Variants in NEGR1 observed in about 807,000 individuals in gnomAD.
NEGR1 encodes neuronal growth regulator 1, also known as IgLON family member 4.
Under a neutral mutation model 40.9 loss-of-function variants are expected in NEGR1, and 10 were observed. That is an observed-to-expected ratio of 0.24 (90% CI 0.15 to 0.42). NEGR1 has a LOEUF of 0.42. Among genes scored for constraint, NEGR1 ranks in the 10% least tolerant of loss-of-function variants. The pLI is 1.00. For synonymous variants in NEGR1, 185 were observed against 166.8 expected, an observed-to-expected ratio of 1.11 and a Z score of -0.84; for missense variants, 352 against 438.9, an observed-to-expected ratio of 0.80 and a Z score of 1.77.
chr1:71,537,285 C>T (rs1647541755), intron 6 of NEGR1, among the ~76,000 whole-genome samples: 1 of 151,656 alleles, frequency 6.6e-6, no homozygotes, highest in Non-Finnish European at 1.5e-5. Context: ...GAGAGAAATA[C>T]TATGCTAGGA....
At position 71,757,865 on chromosome 1, in the gene NEGR1, C is replaced by T. The variant is rs149158153; in HGVS notation, c.535+18307G>A. On this transcript the variant is annotated intron_variant, in intron 3 of 6. Coordinates refer to ENST00000357731, the MANE Select transcript of NEGR1 (RefSeq NM_173808.3). ...TCACATAAGAACACAGTATTCATCA[C>T]GATCTTTTATTATCTGTCCTCAAAC... 3.6e-3 allele frequency among the ~76,000 whole-genome samples: 541 copies of T among 152,142 alleles called. 3 individuals carry two copies. The highest frequency in any genetic ancestry group is 0.012 in the African/African-American group (495 of 41,526).
intron 6 of NEGR1, among the ~76,000 whole-genome samples, chr1:71,585,529 C>T (rs981904692): frequency 1.3e-5 from 2 of 151,992 alleles, no homozygotes; most frequent in Non-Finnish European, 2.9e-5. Flanking sequence ...ATGACAACAC[C>T]AAATACCAAA....
chr1:72,203,569 G>C (rs1653289639), intron 1 of NEGR1, among the ~76,000 whole-genome samples: 1 of 152,192 alleles, frequency 6.6e-6, no homozygotes, highest in Non-Finnish European at 1.5e-5. Flanking sequence ...TACAATAAAG[G>C]TTTTAGAATA....
intron 1 of NEGR1, among the ~76,000 whole-genome samples, chr1:72,037,564 A>C (rs960422511): frequency 3.9e-5 from 6 of 152,140 alleles, no homozygotes; most frequent in African/African-American, 1.4e-4. Flanking sequence ...TTTCCAAGTT[A>C]AACTATAACT....
chr1:72,083,840 C>T (rs571748843), intron 1 of NEGR1, among the ~76,000 whole-genome samples: 13 of 152,200 alleles, frequency 8.5e-5, no homozygotes, highest in Admixed American at 7.2e-4. Flanking sequence ...CCACTATCAA[C>T]GTTCTGCCCC....
At chr1:71,983,333 T>C (rs1190802102) in intron 1 of NEGR1, among the ~76,000 whole-genome samples, 1 of 152,154 alleles carries the variant, frequency 6.6e-6, no homozygotes, top group African/African-American at 2.4e-5. Flanking sequence ...TACACAGGGT[T>C]ATCTGGAAAA....
intron 1 of NEGR1, among the ~76,000 whole-genome samples, chr1:72,281,169 A>G (rs1656229009): frequency 6.6e-6 from 1 of 152,192 alleles, no homozygotes; most frequent in Admixed American, 6.5e-5. Context: ...AAAAATAAGT[A>G]AAAGTGAAGA....
At chr1:72,211,422 T>C (rs1044040247) in intron 1 of NEGR1, among the ~76,000 whole-genome samples, 42 of 151,558 alleles carry the variant, frequency 2.8e-4, no homozygotes, top group African/African-American at 9.7e-4. Flanking sequence ...ATAAAATATG[T>C]AACTGTAGAA....
At chr1:71,655,247 A>T (rs563111776) in intron 4 of NEGR1, among the ~76,000 whole-genome samples, 2 of 152,324 alleles carry the variant, frequency 1.3e-5, no homozygotes, top group African/African-American at 4.8e-5. Flanking sequence ...AAGCTTACAA[A>T]AATGTTAAAG....
chr1:72,012,834 T>TATAC (rs1166289684), intron 1 of NEGR1, among the ~76,000 whole-genome samples: 1 of 135,008 alleles, frequency 7.4e-6, no homozygotes, highest in Non-Finnish European at 1.6e-5. Context: ...CACACACATA[T>TATAC]ATACATACAT....
At chr1:71,703,866 A>T (rs1249538617) in intron 3 of NEGR1, among the ~76,000 whole-genome samples, 1 of 151,918 alleles carries the variant, frequency 6.6e-6, no homozygotes, top group Non-Finnish European at 1.5e-5. Flanking sequence ...CATAAAGGGG[A>T]CAGAAAAAAT....
intron 1 of NEGR1, among the ~76,000 whole-genome samples, chr1:72,262,169 G>A (rs1022433098): frequency 2.0e-5 from 3 of 151,914 alleles, no homozygotes; most frequent in South Asian, 2.1e-4. Context: ...CCTTTTACTC[G>A]GAAACGTGAG....
intron 4 of NEGR1, among the ~76,000 whole-genome samples, chr1:71,637,959 A>T (rs1429821493): frequency 6.6e-6 from 1 of 152,022 alleles, no homozygotes; most frequent in African/African-American, 2.4e-5. Context: ...GCATTATTTT[A>T]TTTAAAACCC....
intron 3 of NEGR1, among the ~76,000 whole-genome samples, chr1:71,750,667 T>C (rs1655541801): frequency 6.6e-6 from 1 of 152,138 alleles, no homozygotes; most frequent in South Asian, 2.1e-4. Context: ...ATGATTCAAT[T>C]ACCTCCCACT....
At chr1:71,919,746 A>G (rs908566672) in intron 2 of NEGR1, among the ~76,000 whole-genome samples, 5 of 152,184 alleles carry the variant, frequency 3.3e-5, no homozygotes, top group African/African-American at 4.8e-5. Context: ...AAGAAAGCCT[A>G]GGTTCGAGTT....
intron 4 of NEGR1, among the ~76,000 whole-genome samples, chr1:71,624,021 C>T (rs1249480761): frequency 6.6e-6 from 1 of 151,904 alleles, no homozygotes; most frequent in Non-Finnish European, 1.5e-5. Context: ...AATACATACA[C>T]ATTTTGCTCA....
At chr1:71,882,141 A>C (rs1436696407) in intron 2 of NEGR1, among the ~76,000 whole-genome samples, 4 of 152,142 alleles carry the variant, frequency 2.6e-5, no homozygotes, top group Non-Finnish European at 5.9e-5. Flanking sequence ...CATGGCACCA[A>C]AATGGACTGT....
intron 5 of NEGR1, among the ~76,000 whole-genome samples, chr1:71,598,545 A>G (rs1414040463): frequency 6.6e-6 from 1 of 152,198 alleles, no homozygotes; most frequent in African/African-American, 2.4e-5. Context: ...GATGAGAAAC[A>G]TAGAGTAGGT....
rs1370062706 is a variant in NEGR1 at position 71,591,908 on chromosome 1, C to T, written c.940+909G>A. On this transcript the variant is annotated intron_variant, in intron 6 of 6. Coordinates refer to ENST00000357731, the MANE Select transcript of NEGR1 (RefSeq NM_173808.3). ...GAAATGATATTTATGATGAACTATACAATATTTGCATTTTTCAGAGATAGC... is the reference window on the plus strand; with the variant it reads ...GAAATGATATTTATGATGAACTATATAATATTTGCATTTTTCAGAGATAGC... 2.0e-5 allele frequency among the ~76,000 whole-genome samples: 3 copies of T among 152,074 alleles called. No homozygotes were observed. The East Asian group carries it at 5.8e-4, about 29-fold the overall frequency.
Sources: allele counts gnomAD v4.1 joint callset (sites outside exome capture counted in the v4.1 genomes callset), GRCh38; gene constraint gnomAD v4.1.1; transcripts MANE v1.5; gene names NCBI Gene and HGNC (gene_info 2026-07-23, HGNC 2026-07-21).